Variants in DROSHA observed in about 807,000 individuals in gnomAD.
DROSHA encodes drosha ribonuclease III.
DROSHA carries 56 observed loss-of-function variants against 181.9 expected under a neutral mutation model. The ratio of observed to expected loss-of-function variants is 0.31; its 90% CI spans 0.25 to 0.38. DROSHA has a LOEUF of 0.38. DROSHA is among the 10% of genes least tolerant of loss of function. The probability of loss-of-function intolerance (pLI) is 1.00; values close to 1 mark genes in which losing one functional copy is unlikely to be tolerated. For missense variants in DROSHA, 1,218 were observed against 1,743.5 expected, an observed-to-expected ratio of 0.70 and a Z score of 5.37; for synonymous variants, 524 against 591.2, an observed-to-expected ratio of 0.89 and a Z score of 1.65.
At chr5:31,497,192 A>C (rs1013276786) in intron 11 of DROSHA, among the ~76,000 whole-genome samples, 2 of 141,324 alleles carry the variant, frequency 1.4e-5, no homozygotes, top group Non-Finnish European at 1.5e-5. Context: ...GAAGCTGCGC[A>C]GTCCCATCAG....
intron 5 of DROSHA, among the ~76,000 whole-genome samples, chr5:31,524,479 G>A (rs1740292010): frequency 6.6e-6 from 1 of 152,184 alleles, no homozygotes; most frequent in African/African-American, 2.4e-5. Flanking sequence ...CACTACTGGG[G>A]AAAGAAAGAG....
chr5:31,459,440 C>T (rs919375594), intron 20 of DROSHA, among the ~76,000 whole-genome samples: 2 of 150,888 alleles, frequency 1.3e-5, no homozygotes, highest in Non-Finnish European at 3.0e-5. Flanking sequence ...AAAAAAATCT[C>T]TCTCAGGTCA....
chr5:31,522,294 C>G (rs896876758), intron 5 of DROSHA, among the ~76,000 whole-genome samples: 1 of 152,110 alleles, frequency 6.6e-6, no homozygotes, highest in Non-Finnish European at 1.5e-5. Context: ...CTTCTAAAAT[C>G]AGAGTTTACA....
chr5:31,460,164 T>C (rs1225037166), intron 20 of DROSHA, among the ~76,000 whole-genome samples: 1 of 152,176 alleles, frequency 6.6e-6, no homozygotes, highest in Admixed American at 6.5e-5. Context: ...TCTGAGTCAT[T>C]ATGCTGAATT....
intron 23 of DROSHA, among the ~76,000 whole-genome samples, chr5:31,446,078 G>T (rs900854129): frequency 2.0e-5 from 3 of 152,168 alleles, no homozygotes; most frequent in African/African-American, 7.2e-5. Flanking sequence ...CAAGGTTGGA[G>T]GTCATAAAAC....
chr5:31,431,239 T>C (rs532520410), intron 26 of DROSHA, among the ~76,000 whole-genome samples: 2 of 152,178 alleles, frequency 1.3e-5, no homozygotes, highest in Admixed American at 6.5e-5. Context: ...TGTTTGTTTA[T>C]GTATGTGATC....
intron 9 of DROSHA, among the ~76,000 whole-genome samples, chr5:31,510,307 A>G (rs1738523177): frequency 6.6e-6 from 1 of 152,170 alleles, no homozygotes; most frequent in Admixed American, 6.5e-5. Context: ...TCACATATCA[A>G]GTAGGTGGTA....
intron 27 of DROSHA, 117 bp from the exon 28 acceptor site, chr5:31,424,588 T>A: frequency 1.5e-6 from 2 of 1,301,774 alleles, no homozygotes; most frequent in Admixed American, 2.7e-5. Context: ...ACTCCACTTA[T>A]GGCAAATTCA....
intron 14 of DROSHA, among the ~76,000 whole-genome samples, chr5:31,485,269 T>G (rs1561235348): frequency 6.6e-6 from 1 of 152,190 alleles, no homozygotes; most frequent in African/African-American, 2.4e-5. Context: ...TGTGTCAGAA[T>G]CTTCTGAGGA....
intron 28 of DROSHA, among the ~76,000 whole-genome samples, chr5:31,423,999 A>G (rs1743122855): frequency 6.6e-6 from 1 of 152,222 alleles, no homozygotes. Flanking sequence ...TCCAGATTAG[A>G]TCATACGTTA....
At chr5:31,423,003 G>A in intron 28 of DROSHA, 59 bp from the exon 29 acceptor site, 1 of 1,427,624 alleles carries the variant, frequency 7.0e-7, no homozygotes, top group Non-Finnish European at 9.2e-7. Flanking sequence ...TAAGTGCAAT[G>A]ATCAATTCTA....
chr5:31,410,081 G>A (rs1741126085), intron 31 of DROSHA, among the ~76,000 whole-genome samples: 1 of 151,458 alleles, frequency 6.6e-6, no homozygotes. Context: ...TAGTCAGAAT[G>A]CCTTTGCACT....
rs1470824475 is a variant in DROSHA, at chr5:31,486,521, C to T, written c.1884G>A (p.Thr628=). Residue 628 remains threonine, a synonymous_variant, in exon 14 of 36, where the codon ACG becomes ACA. Transcript: ENST00000344624. ...GCATCATCTCTTCAATGAAATGAAT[C>T]GTGTAGTCTATGTTGAATCTAATTA... ...CKVIRFNIDY[T]IHFIEEMMPE... is the part of the protein sequence containing the mutation. 20 of 1,613,552 alleles carry T rather than the reference C, an allele frequency of 1.2e-5. No homozygotes were observed. Among genetic ancestry groups the T allele is most frequent in the South Asian group, 9.9e-5 (9 of 91,000 alleles).
chr5:31,506,791 C>T (rs950099494), intron 10 of DROSHA, among the ~76,000 whole-genome samples: 8 of 152,060 alleles, frequency 5.3e-5, no homozygotes, highest in South Asian at 2.1e-4. Flanking sequence ...TTAGTGTTCA[C>T]GGATCTCCAG....
At chr5:31,515,897 C>T (rs1739223828) in intron 6 of DROSHA, among the ~76,000 whole-genome samples, 1 of 152,234 alleles carries the variant, frequency 6.6e-6, no homozygotes, top group Non-Finnish European at 1.5e-5. Context: ...ACAACTCCAT[C>T]TCCCTGACTT....
At chr5:31,431,880 A>C (rs1580068304) in intron 25 of DROSHA, among the ~76,000 whole-genome samples, 3 of 152,294 alleles carry the variant, frequency 2.0e-5, no homozygotes, top group Middle Eastern at 6.8e-3. Context: ...CACTAACTCA[A>C]TTCTTTCCCA....
At chr5:31,416,821 T>G (rs1345528110) in intron 30 of DROSHA, among the ~76,000 whole-genome samples, 7 of 152,102 alleles carry the variant, frequency 4.6e-5, no homozygotes, top group Non-Finnish European at 1.5e-5. Context: ...TGCCTGTTCT[T>G]TAGAAACTAT....
intron 11 of DROSHA, among the ~76,000 whole-genome samples, chr5:31,503,772 T>A (rs1383415949): frequency 1.3e-5 from 2 of 152,204 alleles, no homozygotes; most frequent in Non-Finnish European, 2.9e-5. Flanking sequence ...TGCCACCTTG[T>A]CCCACAATTC....
At chr5:31,518,643 C>T (rs1200516548) in intron 6 of DROSHA, among the ~76,000 whole-genome samples, 1 of 152,182 alleles carries the variant, frequency 6.6e-6, no homozygotes, top group Non-Finnish European at 1.5e-5. Context: ...CCCTGCTAAG[C>T]ACTTTACTGA....
Sources: gnomAD v4.1 joint callset for allele counts (sites outside exome capture counted in the v4.1 genomes callset) on GRCh38, gnomAD v4.1.1 for gene constraint, MANE v1.5 for transcripts, NCBI Gene and HGNC (gene_info 2026-07-23, HGNC 2026-07-21) for gene names.